Variants in VWA8 observed in about 807,000 individuals in gnomAD.
VWA8 encodes the protein von Willebrand factor A domain-containing protein 8.
A neutral mutation model predicts 241.5 loss-of-function variants in VWA8; 221 were observed. The observed-to-expected ratio is 0.91, with a 90% confidence interval of 0.82 to 1.02. The LOEUF is 1.02. Among genes scored for constraint, VWA8 ranks in the 50% least tolerant of loss-of-function variants. The probability of loss-of-function intolerance (pLI) is 0.00; values close to 1 mark genes in which losing one functional copy is unlikely to be tolerated. For synonymous variants in VWA8, 852 were observed against 827.1 expected (o/e 1.03, Z -0.52); for missense variants, 2,322 against 2,328.7 (o/e 1.00, Z 0.06).
chr13:41,600,151 A>G (rs547238385), intron 40 of VWA8, among the ~76,000 whole-genome samples: 1 of 152,282 alleles, frequency 6.6e-6, no homozygotes, highest in Admixed American at 6.5e-5. Flanking sequence ...AAGTATATTT[A>G]GCAAAAATTC....
At chr13:41,734,689 C>G (rs2045511851) in intron 21 of VWA8, among the ~76,000 whole-genome samples, 1 of 152,180 alleles carries the variant, frequency 6.6e-6, no homozygotes, top group Non-Finnish European at 1.5e-5. Flanking sequence ...TTCCTGATTC[C>G]TAACCAACTC....
At chr13:41,812,259 C>G (rs1870504932) in intron 16 of VWA8, among the ~76,000 whole-genome samples, 1 of 152,112 alleles carries the variant, frequency 6.6e-6, no homozygotes, top group South Asian at 2.1e-4. Flanking sequence ...AAAAACCCAG[C>G]AGAGAAAGGT....
intron 14 of VWA8, among the ~76,000 whole-genome samples, chr13:41,829,439 C>T (rs1871320316): frequency 6.6e-6 from 1 of 152,022 alleles, no homozygotes; most frequent in African/African-American, 2.4e-5. Context: ...GATACATGCA[C>T]ATTCATGTTT....
At position 41,601,404 on chromosome 13, in the gene VWA8, T is replaced by G. The variant is rs957568912; in HGVS notation, c.4986+3764A>C. ...ACTATTTATCTGAACAAAAGCTTAT[T>G]TTGAAACACCACAGGGGAAAAAAGG... On this transcript the variant is annotated intron_variant, in intron 40 of 44. Transcript: ENST00000379310. 5.3e-5 allele frequency among the ~76,000 whole-genome samples: 8 copies of G among 152,208 alleles called. No homozygotes were observed. In the South Asian group the frequency reaches 1.2e-3, roughly 24 times the overall value.
At position 41,830,542 on chromosome 13, in the gene VWA8, G is replaced by A; in HGVS notation, c.1687C>T (p.Gln563Ter). The part of the protein sequence containing the change: ...LKEELQLSDE[Q>*]LQKRSIFPIH... ...ACCCCAAATTACCTCTTCTGTAGCT[G>A]TTCATCAGACAGTTGCAGCTCCTCC... Residue 563 changes from glutamine (Q) to a stop codon, truncating the protein, a stop_gained, in exon 14 of 45, where the codon CAG becomes TAG. Transcript: ENST00000379310. LOFTEE classifies it high-confidence loss of function. The A allele has an allele frequency of 6.2e-7, 1 of 1,613,610 alleles. No homozygotes were observed. The highest frequency in any genetic ancestry group is 8.5e-7 in the Non-Finnish European group (1 of 1,179,698).
chr13:41,621,290 G>T (rs2044655458), intron 37 of VWA8, among the ~76,000 whole-genome samples: 1 of 152,160 alleles, frequency 6.6e-6, no homozygotes. Context: ...GTTTAAGATA[G>T]GCTAGGCTAA....
intron 27 of VWA8, among the ~76,000 whole-genome samples, chr13:41,703,095 G>A (rs917059249): frequency 1.3e-4 from 20 of 152,112 alleles, no homozygotes; most frequent in African/African-American, 4.6e-4. Context: ...TAACATACCT[G>A]ACTCTCATCA....
intron 2 of VWA8, among the ~76,000 whole-genome samples, chr13:41,922,606 G>T (rs12871212): frequency 6.6e-6 from 1 of 151,886 alleles, no homozygotes; most frequent in African/African-American, 2.4e-5. Flanking sequence ...CAAACAACCC[G>T]ATCAACAAGT....
chr13:41,905,985 C>T (rs568075835), intron 4 of VWA8, among the ~76,000 whole-genome samples: 2 of 151,958 alleles, frequency 1.3e-5, no homozygotes, highest in South Asian at 4.2e-4. Context: ...AAAATGGGTT[C>T]CTTTAAAATT....
At chr13:41,777,714 G>A (rs1376306642) in intron 20 of VWA8, among the ~76,000 whole-genome samples, 2 of 152,200 alleles carry the variant, frequency 1.3e-5, no homozygotes, top group Admixed American at 6.5e-5. Flanking sequence ...CAGGTGACAG[G>A]TGAAGATCAC....
chr13:41,598,139 C>A (rs929830813), intron 40 of VWA8, among the ~76,000 whole-genome samples: 3 of 151,940 alleles, frequency 2.0e-5, no homozygotes, highest in Non-Finnish European at 2.9e-5. Flanking sequence ...AGAACGAGCA[C>A]GGTTAACTTT....
At chr13:41,783,743 G>A (rs989245820) in intron 19 of VWA8, 52 bp downstream of exon 19, 3 of 1,266,928 alleles carry the variant, frequency 2.4e-6, no homozygotes, top group Non-Finnish European at 3.4e-6. Context: ...GAATTGGAGT[G>A]TACTACCACA....
intron 24 of VWA8, among the ~76,000 whole-genome samples, chr13:41,724,770 CATAAGCCCTTCT>C (rs1418619258): frequency 2.0e-5 from 3 of 152,162 alleles, no homozygotes; most frequent in Non-Finnish European, 4.4e-5. Context: ...CTTTCCCCTC[CATAAGCCCTTCT>C]ATATTTCAAT....
chr13:41,636,339 T>G (rs927801136), intron 37 of VWA8, among the ~76,000 whole-genome samples: 1 of 152,220 alleles, frequency 6.6e-6, no homozygotes, highest in Non-Finnish European at 1.5e-5. Context: ...GGATTCCCTA[T>G]TTAATAAATG....
chr13:41,730,627 T>C (rs1001730308), intron 22 of VWA8, among the ~76,000 whole-genome samples: 20 of 152,108 alleles, frequency 1.3e-4, no homozygotes, highest in African/African-American at 4.3e-4. Context: ...GGGTTGATGG[T>C]GACATCATGA....
chr13:41,773,759 G>A (rs1384008126), intron 20 of VWA8, among the ~76,000 whole-genome samples: 2 of 152,158 alleles, frequency 1.3e-5, no homozygotes, highest in African/African-American at 4.8e-5. Flanking sequence ...TCCACCCCTT[G>A]ACCTGGTAAA....
At chr13:41,812,876 TA>T (rs1447594851) in intron 16 of VWA8, among the ~76,000 whole-genome samples, 7 of 152,178 alleles carry the variant, frequency 4.6e-5, no homozygotes, top group Non-Finnish European at 8.8e-5. Flanking sequence ...TCAAATATAA[TA>T]AATCATAAAT....
chr13:41,744,500 T>A (rs2045589669), intron 21 of VWA8, among the ~76,000 whole-genome samples: 1 of 152,188 alleles, frequency 6.6e-6, no homozygotes, highest in African/African-American at 2.4e-5. Flanking sequence ...TTTAAGCCCC[T>A]CATCCCATCC....
intron 21 of VWA8, among the ~76,000 whole-genome samples, chr13:41,747,790 G>A (rs1403761830): frequency 1.3e-5 from 2 of 152,190 alleles, no homozygotes; most frequent in African/African-American, 2.4e-5. Context: ...CTAATTTATT[G>A]AGAGTTTTTA....
Sources: gnomAD v4.1 joint callset for allele counts (sites outside exome capture counted in the v4.1 genomes callset) on GRCh38, gnomAD v4.1.1 for gene constraint, MANE v1.5 for transcripts, NCBI Gene and HGNC (gene_info 2026-07-23, HGNC 2026-07-21) for gene names.